The following ABCA7 variants were observed in gnomAD, a reference collection of about 807,000 sequenced individuals.
ABCA7 encodes the protein phospholipid-transporting ATPase ABCA7.
In ABCA7, 261 loss-of-function variants were observed where a neutral mutation model predicts 227.6. The ratio of observed to expected loss-of-function variants is 1.15; its 90% CI spans 1.04 to 1.27. ABCA7 has a LOEUF of 1.27. Among genes scored for constraint, ABCA7 ranks in the 50% most tolerant of loss-of-function variants. ABCA7 has a pLI of 0.00. For synonymous variants in ABCA7, 1,488 were observed against 1,279.7 expected, an observed-to-expected ratio of 1.16 and a Z score of -3.47; for missense variants, 3,331 against 2,924.5, an observed-to-expected ratio of 1.14 and a Z score of -3.21.
intron 40 of ABCA7, among the ~76,000 whole-genome samples, chr19:1,060,468 C>T (rs1157162869): frequency 6.6e-6 from 1 of 151,878 alleles, no homozygotes; most frequent in Non-Finnish European, 1.5e-5. Flanking sequence ...ACCTTGGCCT[C>T]CGAAAGTTCT....
rs748597966 is a variant in ABCA7 at position 1,057,089 on chromosome 19, G to A, written c.4764+5G>A. On this transcript the variant is annotated splice_donor_5th_base_variant and intron_variant, in intron 34 of 46. Coordinates refer to ENST00000263094, the MANE Select transcript of ABCA7 (RefSeq NM_019112.4). ...GGCAACTTTCTCTGGGACATGGTGC[G>A]GGGGCTGCTTGGACGGGTGGGGGCC... 250 of 1,609,192 alleles carry A rather than the reference G, an allele frequency of 1.6e-4. 1 individual carries two copies. The highest frequency in any genetic ancestry group is 1.9e-4 in the Non-Finnish European group (226 of 1,177,826).
intron 30 of ABCA7, 62 bp from the exon 31 acceptor site, chr19:1,055,845 C>T: frequency 2.7e-6 from 4 of 1,483,728 alleles, no homozygotes; most frequent in Non-Finnish European, 3.6e-6. Flanking sequence ...GCTCCCCTCT[C>T]ACCATCTCTC....
intron 35 of ABCA7, 121 bp downstream of exon 35, chr19:1,057,550 T>C: frequency 1.0e-6 from 1 of 1,002,148 alleles, no homozygotes; most frequent in Non-Finnish European, 1.5e-6. Flanking sequence ...TCTGAGGTGA[T>C]GCCGTGTGTG....
chr19:1,063,546 C>G lies in ABCA7; in HGVS notation c.5715C>G (p.Thr1905=), dbSNP rs750505299. ...RGVPEAQVAQ[T]AGSGLARLGL... ...CCTACTCTGGCCCCACCCCACAGAC[C>G]GCTGGCTCGGGCCTGGCGCGTCTGG... Residue 1905 remains threonine (T), a splice_region_variant and synonymous_variant, in exon 43 of 47, where the codon ACC becomes ACG. Coordinates refer to ENST00000263094, the MANE Select transcript of ABCA7 (RefSeq NM_019112.4). 6.2e-7 allele frequency: 1 copy of G among 1,610,262 alleles called. No individual in the cohort carries two copies. Among genetic ancestry groups the G allele is most frequent in the African/African-American group, 1.3e-5 (1 of 74,936 alleles).
Position 1,051,057 on chromosome 19 carries a change from G to A in ABCA7, c.2684+5G>A, listed in dbSNP as rs368620856. 7.2e-5 allele frequency: 116 copies of A among 1,610,880 alleles called. No individual in the cohort carries two copies. Among genetic ancestry groups the A allele is most frequent in the Non-Finnish European group, 8.9e-5 (105 of 1,178,764 alleles). ...GTACAACGTGCTGTTTGACATGTGC[G>A]TCTCGGCAGGCCCAGAGTGCAGCGG... On this transcript the variant is annotated splice_donor_5th_base_variant and intron_variant, in intron 19 of 46. Transcript: ENST00000263094.
At chr19:1,055,074 T>G in intron 29 of ABCA7, 23 bp from the exon 30 acceptor site, 1 of 1,599,116 alleles carries the variant, frequency 6.3e-7, no homozygotes, top group Non-Finnish European at 8.5e-7. Context: ...CGCCCTTGAG[T>G]GTGCACAGCC....
chr19:1,062,272 C>T lies in ABCA7; in HGVS notation c.5671C>T (p.Leu1891Phe). 6.2e-7 allele frequency: 1 copy of T among 1,610,202 alleles called. No individual in the cohort carries two copies. Among genetic ancestry groups the T allele is most frequent in the South Asian group, 1.1e-5 (1 of 91,076 alleles). Residue 1891 changes from leucine (L) to phenylalanine (F), a missense_variant, in exon 42 of 47, where the codon CTT becomes TTT. Physicochemically the swap from Leu to Phe is conservative, Grantham distance 22. Coordinates refer to ENST00000263094, the MANE Select transcript of ABCA7 (RefSeq NM_019112.4). ...LLTGREHLELLARLRGVPEAQ... is the reference protein window; with the variant it reads ...LLTGREHLELFARLRGVPEAQ... ...GACGGGCCGCGAGCACCTGGAGCTG[C>T]TTGCGCGCCTGCGCGGTGTCCCGGA... is the stretch of plus-strand genomic sequence containing the variant.
chr19:1,061,129 G>A (rs1344024862), intron 40 of ABCA7, among the ~76,000 whole-genome samples: 2 of 151,976 alleles, frequency 1.3e-5, no homozygotes, highest in Non-Finnish European at 2.9e-5. Flanking sequence ...AGGCGTGGTG[G>A]CTCACAGCTG....
chr19:1,053,457 T>A lies in ABCA7; in HGVS notation c.3349T>A (p.Phe1117Ile). The A allele has an allele frequency of 6.2e-7, 1 of 1,600,142 alleles. No homozygotes were observed. The highest frequency in any genetic ancestry group is 1.3e-5 in the African/African-American group (1 of 74,798). ...GAHDGSFATLFRELDTRLAEL... is the reference protein window; with the variant it reads ...GAHDGSFATLIRELDTRLAEL... ...CCATGACGGCAGCTTCGCCACACTCTTCCGAGAGCTAGACACGCGGCTGGC... is the reference window on the plus strand; with the variant it reads ...CCATGACGGCAGCTTCGCCACACTCATCCGAGAGCTAGACACGCGGCTGGC... The change falls in exon 24 of 47, where the codon TTC (phenylalanine) becomes ATC (isoleucine). Residue 1117 changes from phenylalanine (F) to isoleucine (I), a missense_variant. By Grantham distance (21) the Phe-to-Ile change is conservative (BLOSUM62 0). Coordinates refer to ENST00000263094, the MANE Select transcript of ABCA7 (RefSeq NM_019112.4).
chr19:1,054,786 C>T lies in ABCA7; in HGVS notation c.3858C>T (p.Asp1286=), dbSNP rs138125538. Residue 1286 remains aspartate (D), a synonymous_variant, in exon 29 of 47, where the codon GAC becomes GAT. Transcript: ENST00000263094. This position sits in a 1 kb window ranked among gnomAD's most constrained non-coding sequence, Gnocchi z 4.8. ...CATCTCCCCTCACACACAGTGAGGA[C>T]GCCCCAGGGGACCCTGGACGTGCCC... The part of the protein sequence containing the change: ...YGAQVSFFSE[D]APGDPGRARL... 56 of 1,600,788 alleles carry T rather than the reference C, an allele frequency of 3.5e-5. No individual in the cohort carries two copies. The highest frequency in any genetic ancestry group is 1.7e-4 in the African/African-American group (13 of 74,618).
intron 18 of ABCA7, among the ~76,000 whole-genome samples, chr19:1,050,192 C>T (rs2041421334): frequency 6.6e-6 from 1 of 151,200 alleles, no homozygotes; most frequent in Admixed American, 6.6e-5. Flanking sequence ...GGGAGGATTG[C>T]CTGAGGTCAG....
Position 1,043,777 on chromosome 19 carries a change from G to C in ABCA7, c.983G>C (p.Trp328Ser). The C allele has an allele frequency of 1.9e-6, 3 of 1,612,754 alleles. No individual in the cohort carries two copies. Among genetic ancestry groups the C allele is most frequent in the Middle Eastern group, 1.7e-4 (1 of 6,060 alleles). ...LTLLRDVREVWEMLGPRIFTF... is the reference protein window; with the variant it reads ...LTLLRDVREVSEMLGPRIFTF... ...CTGCTGAGGGATGTCCGGGAGGTGTGGGAGATGCTGGGACCCCGGATCTTC... is the reference window on the plus strand; with the variant it reads ...CTGCTGAGGGATGTCCGGGAGGTGTCGGAGATGCTGGGACCCCGGATCTTC... The change falls in exon 10 of 47, where the codon TGG (tryptophan) becomes TCG (serine). Residue 328 changes from tryptophan (W) to serine (S), a missense_variant. Physicochemically the swap from Trp to Ser is radical, Grantham distance 177 (BLOSUM62 -3). Coordinates refer to ENST00000263094, the MANE Select transcript of ABCA7 (RefSeq NM_019112.4).
Position 1,062,234 on chromosome 19 carries a change from T to C in ABCA7, c.5633T>C (p.Ile1878Thr), listed in dbSNP as rs773393881. ...SMGYCPQSDA[I>T]FELLTGREHL... Reference sequence around the variant, plus strand: ...GGATACTGCCCTCAATCCGATGCCATCTTTGAGCTGCTGACGGGCCGCGAG... The same window carrying C: ...GGATACTGCCCTCAATCCGATGCCACCTTTGAGCTGCTGACGGGCCGCGAG... The change falls in exon 42 of 47, where the codon ATC (isoleucine) becomes ACC (threonine). Residue 1878 changes from isoleucine (I) to threonine (T), a missense_variant. By Grantham distance (89) the Ile-to-Thr change is moderately conservative. Transcript: ENST00000263094. 5 of 1,612,192 alleles carry C rather than the reference T, an allele frequency of 3.1e-6. No homozygotes were observed. In the Admixed American group the frequency reaches 5.0e-5, roughly 16 times the overall value.
chr19:1,053,892 G>A, intron 25 of ABCA7, 56 bp downstream of exon 25: 1 of 1,595,408 alleles, frequency 6.3e-7, no homozygotes. Flanking sequence ...CCAGAGGCCA[G>A]GTCCCCATCC....
intron 10 of ABCA7, among the ~76,000 whole-genome samples, 174 bp from the exon 11 acceptor site, chr19:1,044,403 A>C (rs1568243298): frequency 6.8e-6 from 1 of 146,034 alleles, no homozygotes; most frequent in African/African-American, 2.6e-5. Context: ...ATGCGCCACC[A>C]CTCCCGGCTA....
chr19:1,051,011 C>G lies in ABCA7; in HGVS notation c.2643C>G (p.Pro881=). The change falls in exon 19 of 47, where the codon CCC becomes CCG. Residue 881 remains proline, a synonymous_variant. Transcript: ENST00000263094. ...DVRSSMAAIR[P]HLGVCPQYNV... is the part of the protein sequence containing the mutation. The stretch of plus-strand genomic sequence containing the variant: ...GCTCCAGCATGGCCGCCATCCGGCC[C>G]CACCTGGGCGTCTGTCCTCAGTACA... 1 of 1,612,306 alleles carries G rather than the reference C, an allele frequency of 6.2e-7. No homozygotes were observed. The highest frequency in any genetic ancestry group is 8.5e-7 in the Non-Finnish European group (1 of 1,179,730).
chr19:1,057,488 A>G (rs2042356191), intron 35 of ABCA7, 59 bp downstream of exon 35: 2 of 1,481,498 alleles, frequency 1.3e-6, no homozygotes, highest in Admixed American at 1.7e-5. Context: ...CTTCCACATT[A>G]ATGCTGCTGA....
chr19:1,041,388 G>A lies in ABCA7; in HGVS notation c.27G>A (p.Leu9=), dbSNP rs1195694822. Residue 9 remains leucine (L), a synonymous_variant, in exon 2 of 47, where the codon CTG becomes CTA. Coordinates refer to ENST00000263094, the MANE Select transcript of ABCA7 (RefSeq NM_019112.4). ...TGGCCTTCTGGACACAGCTGATGCT[G>A]CTGCTCTGGAAGAATTTCATGTATC... The part of the protein sequence containing the change: MAFWTQLM[L]LLWKNFMYRR... 9 of 1,613,936 alleles carry A rather than the reference G, an allele frequency of 5.6e-6. No homozygotes were observed. The highest frequency in any genetic ancestry group is 1.6e-4 in the Middle Eastern group (1 of 6,084).
chr19:1,048,104 G>A (rs963187429), intron 16 of ABCA7, among the ~76,000 whole-genome samples: 2 of 151,794 alleles, frequency 1.3e-5, no homozygotes, highest in African/African-American at 4.8e-5. Context: ...AGGATGGGGT[G>A]GGAGGATCAC....
Sources: allele counts gnomAD v4.1 joint callset (sites outside exome capture counted in the v4.1 genomes callset), GRCh38; gene constraint gnomAD v4.1.1; non-coding constraint Gnocchi (gnomAD v3.1); transcripts MANE v1.5; gene names NCBI Gene and HGNC (gene_info 2026-07-23, HGNC 2026-07-21).